Variants in WWC2 observed in about 807,000 individuals in gnomAD.
WWC2 encodes the protein WW and C2 domain containing 2, also known as protein WWC2.
Under a neutral mutation model 138.5 loss-of-function variants are expected in WWC2, and 101 were observed. The ratio of observed to expected loss-of-function variants is 0.73; its 90% CI spans 0.62 to 0.86. WWC2 has a LOEUF of 0.86. Among genes scored for constraint, WWC2 ranks in the 40% least tolerant of loss-of-function variants. The pLI is 0.00. For missense variants in WWC2, 1,420 were observed against 1,419.4 expected, an observed-to-expected ratio of 1.00 and a Z score of -0.01; for synonymous variants, 558 against 538.4, an observed-to-expected ratio of 1.04 and a Z score of -0.50.
At chr4:183,249,138 A>G (rs1736894099) in intron 7 of WWC2, among the ~76,000 whole-genome samples, 1 of 152,186 alleles carries the variant, frequency 6.6e-6, no homozygotes, top group Non-Finnish European at 1.5e-5. Context: ...GCATATGAGA[A>G]TTTAACTTTT....
At chr4:183,164,304 A>G (rs1734053095) in intron 1 of WWC2, among the ~76,000 whole-genome samples, 1 of 754 alleles carries the variant, frequency 1.3e-3, no homozygotes, top group Admixed American at 0.036. Flanking sequence ...ATATATACAT[A>G]TATATATTAT....
chr4:183,307,383 T>G (rs1739056845), intron 21 of WWC2, among the ~76,000 whole-genome samples: 1 of 152,134 alleles, frequency 6.6e-6, no homozygotes. Flanking sequence ...GGAAAAAAAC[T>G]TTATCAACTC....
chr4:183,174,889 A>G (rs1734416187), intron 1 of WWC2, among the ~76,000 whole-genome samples: 1 of 152,006 alleles, frequency 6.6e-6, no homozygotes, highest in South Asian at 2.1e-4. Flanking sequence ...AAATATATCT[A>G]TGTCTATATT....
chr4:183,169,006 G>T (rs187721723), intron 1 of WWC2, among the ~76,000 whole-genome samples: 3 of 151,962 alleles, frequency 2.0e-5, no homozygotes, highest in Admixed American at 6.6e-5. Flanking sequence ...GCACCACCAC[G>T]CCCGGCTAAT....
At position 183,217,702 on chromosome 4, in the gene WWC2, G is replaced by C. The variant is rs148853347; in HGVS notation, c.522+8677G>C. Among the ~76,000 whole-genome samples, 9 of 152,138 alleles carry C rather than the reference G, an allele frequency of 5.9e-5. No individual in the cohort carries two copies. In the East Asian group the frequency reaches 1.7e-3, roughly 29 times the overall value. On this transcript the variant is annotated intron_variant, in intron 4 of 22. Coordinates refer to ENST00000403733, the MANE Select transcript of WWC2 (RefSeq NM_024949.6). ...CAAATAAAAGATCAGTGAAGTTAAA[G>C]ACATAGGAATAGAAACTACCGAAAA...
Position 183,231,113 on chromosome 4 carries a change from T to C in WWC2, c.523-9070T>C, listed in dbSNP as rs774790719. Among the ~76,000 whole-genome samples, 94 of 152,054 alleles carry C rather than the reference T, an allele frequency of 6.2e-4. 1 individual carries two copies. The highest frequency in any genetic ancestry group is 1.2e-3 in the Non-Finnish European group (79 of 68,024). The stretch of plus-strand genomic sequence containing the variant: ...GAAGCAAAATTCCAAAACAAAACAT[T>C]GTAAACTAAATACAGCAACATTTTA... On this transcript the variant is annotated intron_variant, in intron 4 of 22. Transcript: ENST00000403733.
At position 183,320,279 on chromosome 4, in the gene WWC2, G is replaced by C. The variant is rs1739601414; in HGVS notation, c.*4550G>C. ...TGCCCTTCGGTTGCTGTGAAAAGAA[G>C]TGTGACACTTGTGTTATAACTTATG... is the stretch of plus-strand genomic sequence containing the variant. On this transcript the variant is annotated 3_prime_UTR_variant, in exon 23 of 23. Transcript: ENST00000403733. 7.0e-7 allele frequency: 1 copy of C among 1,422,746 alleles called. No homozygotes were observed. The highest frequency in any genetic ancestry group is 9.7e-7 in the Non-Finnish European group (1 of 1,034,774). The allele number at this position is 1,422,746 out of a possible 1,614,324, so 88.1% of individuals were successfully genotyped here.
intron 21 of WWC2, among the ~76,000 whole-genome samples, chr4:183,309,053 A>G (rs868833811): frequency 2.6e-5 from 4 of 152,234 alleles, no homozygotes; most frequent in Admixed American, 6.5e-5. Flanking sequence ...GAATCTGGAT[A>G]TAGACCCTTC....
At chr4:183,228,674 A>G (rs527753466) in intron 4 of WWC2, among the ~76,000 whole-genome samples, 1 of 152,252 alleles carries the variant, frequency 6.6e-6, no homozygotes, top group South Asian at 2.1e-4. Flanking sequence ...GACGAACAAT[A>G]TGAAGCGTCG....
At chr4:183,204,368 A>G (rs948473876) in intron 2 of WWC2, among the ~76,000 whole-genome samples, 9 of 152,208 alleles carry the variant, frequency 5.9e-5, no homozygotes, top group African/African-American at 1.7e-4. Context: ...ATATTCGTCC[A>G]TATTTCAGCC....
At chr4:183,289,296 A>G in intron 20 of WWC2, 97 bp from the exon 21 acceptor site, 6 of 1,495,088 alleles carry the variant, frequency 4.0e-6, no homozygotes, top group Non-Finnish European at 5.4e-6. Flanking sequence ...CTAGGGTGCA[A>G]GGAAGCACCA....
intron 2 of WWC2, among the ~76,000 whole-genome samples, chr4:183,201,151 C>T (rs1735284542): frequency 1.3e-5 from 2 of 152,126 alleles, no homozygotes; most frequent in Non-Finnish European, 2.9e-5. Context: ...GATCTCTGCC[C>T]ATCTCCCACA....
At chr4:183,151,951 T>A (rs1236162223) in intron 1 of WWC2, among the ~76,000 whole-genome samples, 1 of 152,136 alleles carries the variant, frequency 6.6e-6, no homozygotes, top group Non-Finnish European at 1.5e-5. Flanking sequence ...TTTAAAAAAT[T>A]ACATTTTATA....
chr4:183,167,812 C>T lies in WWC2; in HGVS notation c.132-25787C>T, dbSNP rs186175955. On this transcript the variant is annotated intron_variant, in intron 1 of 22. Transcript: ENST00000403733. ...GGTCAAATTTTGAGTATCCTGAATG[C>T]CAGACTAGATACCTTGATTTTATGT... Among the ~76,000 whole-genome samples, 4 of 151,478 alleles carry T rather than the reference C, an allele frequency of 2.6e-5. No individual in the cohort carries two copies. The East Asian group carries it at 7.8e-4, about 29-fold the overall frequency.
chr4:183,107,901 A>G (rs1732091125), intron 1 of WWC2, among the ~76,000 whole-genome samples: 1 of 151,916 alleles, frequency 6.6e-6, no homozygotes, highest in Admixed American at 6.6e-5. Context: ...AATTTTGAGT[A>G]TTATCTGTTA....
intron 4 of WWC2, among the ~76,000 whole-genome samples, chr4:183,219,439 G>T (rs1014256981): frequency 6.6e-6 from 1 of 152,118 alleles, no homozygotes; most frequent in Non-Finnish European, 1.5e-5. Flanking sequence ...GAGGGAAAAT[G>T]ATACCACCTG....
At chr4:183,315,234 C>T (rs1018012672) in intron 22 of WWC2, among the ~76,000 whole-genome samples, 1 of 152,200 alleles carries the variant, frequency 6.6e-6, no homozygotes, top group African/African-American at 2.4e-5. Flanking sequence ...CAGGTTGTCC[C>T]TGCCCCGGCA....
intron 16 of WWC2, among the ~76,000 whole-genome samples, chr4:183,276,204 A>G (rs1737851770): frequency 6.6e-6 from 1 of 151,836 alleles, no homozygotes; most frequent in Non-Finnish European, 1.5e-5. Flanking sequence ...CCTTTCTGAG[A>G]TATTATATTT....
At chr4:183,240,995 C>T (rs188754449) in intron 5 of WWC2, among the ~76,000 whole-genome samples, 3 of 152,320 alleles carry the variant, frequency 2.0e-5, no homozygotes, top group African/African-American at 7.2e-5. Flanking sequence ...GTGACAGGCA[C>T]ACCTGAGACT....
Sources: allele counts gnomAD v4.1 joint callset (sites outside exome capture counted in the v4.1 genomes callset), GRCh38; gene constraint gnomAD v4.1.1; transcripts MANE v1.5; gene names NCBI Gene and HGNC (gene_info 2026-07-23, HGNC 2026-07-21).